AEBP2: variants seen among roughly 807,000 people sequenced by gnomAD.
AEBP2 encodes AE binding protein 2.
Under a neutral mutation model 50.8 loss-of-function variants are expected in AEBP2, and 10 were observed. The ratio of observed to expected loss-of-function variants is 0.20; its 90% CI spans 0.12 to 0.33. The LOEUF (loss-of-function observed/expected upper bound fraction) is 0.33. Among genes scored for constraint, AEBP2 ranks in the 10% least tolerant of loss-of-function variants. The pLI is 1.00. For synonymous variants in AEBP2, 296 were observed against 261.3 expected, an observed-to-expected ratio of 1.13 and a Z score of -1.28; for missense variants, 570 against 688.0, an observed-to-expected ratio of 0.83 and a Z score of 1.92.
intron 6 of AEBP2, 101 bp from the exon 7 acceptor site, chr12:19,514,570 G>C: frequency 1.1e-6 from 1 of 874,546 alleles, no homozygotes; most frequent in South Asian, 1.8e-5. Flanking sequence ...ACTTAACGTG[G>C]ACTGATCAAA....
Position 19,439,630 on chromosome 12 carries a change from C to A in AEBP2, c.-70C>A, listed in dbSNP as rs1947903066. 1.4e-6 allele frequency: 2 copies of A among 1,478,358 alleles called. No homozygotes were observed. The highest frequency in any genetic ancestry group is 1.8e-6 in the Non-Finnish European group (2 of 1,117,182). 91.6% of individuals were successfully genotyped at this position (1,478,358 alleles called of 1,614,324 possible). On this transcript the variant is annotated 5_prime_UTR_variant, in exon 1 of 8. Transcript: ENST00000266508. ...GAGTTTTGGGCGTTTGGGAGGGGGGCGAGGGAGAGAGAGTCGAGAGAGGGA... is the reference window on the plus strand; with the variant it reads ...GAGTTTTGGGCGTTTGGGAGGGGGGAGAGGGAGAGAGAGTCGAGAGAGGGA...
chr12:19,420,138 C>T (rs528871116), intron 1 of AEBP2, among the ~76,000 whole-genome samples: 1 of 150,812 alleles, frequency 6.6e-6, no homozygotes, highest in Admixed American at 6.6e-5. Flanking sequence ...ATTCTCCTGC[C>T]TCAGCCTCCC....
At chr12:19,503,311 G>A (rs1949109634) in intron 5 of AEBP2, among the ~76,000 whole-genome samples, 2 of 151,360 alleles carry the variant, frequency 1.3e-5, no homozygotes, top group African/African-American at 4.9e-5. Context: ...TTACCTCCTT[G>A]GTTAGATGTA....
intron 1 of AEBP2, chr12:19,440,720 T>C: frequency 1.3e-6 from 2 of 1,532,150 alleles, no homozygotes; most frequent in Non-Finnish European, 1.7e-6. Flanking sequence ...CACACGTCGG[T>C]ACTCAAGGTT....
At chr12:19,490,472 G>A (rs1948880705) in intron 3 of AEBP2, among the ~76,000 whole-genome samples, 1 of 150,432 alleles carries the variant, frequency 6.6e-6, no homozygotes, top group Non-Finnish European at 1.5e-5. Flanking sequence ...CTGCATCCCA[G>A]GCTGAAGTGA....
chr12:19,448,760 G>A lies in AEBP2; in HGVS notation c.671+8390G>A, dbSNP rs533003967. On this transcript the variant is annotated intron_variant, in intron 1 of 7. Coordinates refer to ENST00000266508, the MANE Select transcript of AEBP2 (RefSeq NM_153207.5). ...AGTGGTACCGTCACAGCTCACTGCAGCCTCAAACTCCTGGACCCAAGTGAC... is the reference window on the plus strand; with the variant it reads ...AGTGGTACCGTCACAGCTCACTGCAACCTCAAACTCCTGGACCCAAGTGAC... Among the ~76,000 whole-genome samples the A allele has an allele frequency of 3.9e-5, 6 of 152,186 alleles. No individual in the cohort carries two copies. In the East Asian group the frequency reaches 7.7e-4, roughly 20 times the overall value.
intron 1 of AEBP2, among the ~76,000 whole-genome samples, chr12:19,452,924 T>A (rs2153368341): frequency 6.6e-6 from 1 of 151,142 alleles, no homozygotes; most frequent in African/African-American, 2.4e-5. Flanking sequence ...CCTAGTTTGA[T>A]AAATAGGCCT....
chr12:19,420,321 G>C (rs959309778), intron 1 of AEBP2, among the ~76,000 whole-genome samples: 1 of 141,174 alleles, frequency 7.1e-6, no homozygotes, highest in Non-Finnish European at 1.5e-5. Flanking sequence ...GAGCCACTGT[G>C]CTGACCATTT....
intron 1 of AEBP2, among the ~76,000 whole-genome samples, chr12:19,408,852 G>A (rs573267006): frequency 7.0e-4 from 107 of 152,080 alleles, no homozygotes; most frequent in African/African-American, 2.5e-3. Flanking sequence ...GCAGTGACCC[G>A]AGATCTCGCT....
chr12:19,443,469 A>T (rs894311943), intron 1 of AEBP2, among the ~76,000 whole-genome samples: 2 of 150,744 alleles, frequency 1.3e-5, no homozygotes, highest in African/African-American at 4.9e-5. Flanking sequence ...CTGTAATCCC[A>T]GCACTTTGGG....
chr12:19,481,260 C>G (rs1948725878), intron 3 of AEBP2, among the ~76,000 whole-genome samples: 1 of 151,478 alleles, frequency 6.6e-6, no homozygotes, highest in Non-Finnish European at 1.5e-5. Flanking sequence ...ACCACCACAC[C>G]CAGCTAAGTT....
intron 1 of AEBP2, among the ~76,000 whole-genome samples, chr12:19,417,033 G>A (rs2095742990): frequency 6.6e-6 from 1 of 151,676 alleles, no homozygotes; most frequent in Non-Finnish European, 1.5e-5. Flanking sequence ...CACCATGCGT[G>A]ACTAATTGTT....
At chr12:19,494,052 C>T (rs1948933153) in intron 4 of AEBP2, 66 bp downstream of exon 4, 2 of 1,452,564 alleles carry the variant, frequency 1.4e-6, no homozygotes, top group Non-Finnish European at 9.2e-7. Flanking sequence ...GACTTTTATG[C>T]AAATCCACTT....
chr12:19,509,829 T>C (rs1275999291), intron 5 of AEBP2, among the ~76,000 whole-genome samples: 2 of 135,460 alleles, frequency 1.5e-5, no homozygotes, highest in African/African-American at 2.9e-5. Context: ...TCTTTTTTTT[T>C]TTTTTTTTTT....
Position 19,456,789 on chromosome 12 carries a change from G to A in AEBP2, c.672-5721G>A. On this transcript the variant is annotated intron_variant, in intron 1 of 7. Coordinates refer to ENST00000266508, the MANE Select transcript of AEBP2 (RefSeq NM_153207.5). ...TTTTACTTCAGTTTTAATGTTGACT[G>A]GAGCAAAGGTGACCACCATACCAGG... The A allele has an allele frequency of 1.9e-6, 3 of 1,573,914 alleles. No individual in the cohort carries two copies. The East Asian group carries it at 6.7e-5, about 35-fold the overall frequency.
intron 1 of AEBP2, among the ~76,000 whole-genome samples, chr12:19,459,125 A>G (rs1948325450): frequency 6.6e-6 from 1 of 152,252 alleles, no homozygotes; most frequent in Admixed American, 6.5e-5. Flanking sequence ...AGTATAGTTT[A>G]TGTAAGTATG....
chr12:19,496,255 C>T lies in AEBP2; in HGVS notation c.1174+2269C>T, dbSNP rs73339357. 3.5e-3 allele frequency among the ~76,000 whole-genome samples: 533 copies of T among 152,234 alleles called. 6 individuals carry two copies. The highest frequency in any genetic ancestry group is 0.012 in the African/African-American group (509 of 41,530). On this transcript the variant is annotated intron_variant, in intron 4 of 7. Coordinates refer to ENST00000266508, the MANE Select transcript of AEBP2 (RefSeq NM_153207.5). ...CGGCTTAAGTATATGTTTCTTTTGACGGTGGTGTTTTTCCTCATATTAACT... is the reference window on the plus strand; with the variant it reads ...CGGCTTAAGTATATGTTTCTTTTGATGGTGGTGTTTTTCCTCATATTAACT...
intron 3 of AEBP2, among the ~76,000 whole-genome samples, chr12:19,492,967 CCCTGTCT>C (rs922130849): frequency 5.9e-5 from 9 of 151,984 alleles, no homozygotes; most frequent in Non-Finnish European, 1.0e-4. Flanking sequence ...TAGACTGAGA[CCCTGTCT>C]CAAAAAAAAC....
chr12:19,487,342 A>G lies in AEBP2; in HGVS notation c.988-6458A>G, dbSNP rs566295014. ...AATTCAACATTTTTAAGGTTACTGT[A>G]GTTCAGTGATTATTTAGTATATTCA... On this transcript the variant is annotated intron_variant, in intron 3 of 7. Transcript: ENST00000266508. Among the ~76,000 whole-genome samples, 4 of 152,176 alleles carry G rather than the reference A, an allele frequency of 2.6e-5. No individual in the cohort carries two copies. The South Asian group carries it at 6.2e-4, about 24-fold the overall frequency.
Sources: allele counts gnomAD v4.1 joint callset (sites outside exome capture counted in the v4.1 genomes callset), GRCh38; gene constraint gnomAD v4.1.1; transcripts MANE v1.5; gene names NCBI Gene and HGNC (gene_info 2026-07-23, HGNC 2026-07-21).